CSAD: variants seen among roughly 807,000 people sequenced by gnomAD.
CSAD encodes P-selectin cytoplasmic tail-associated protein.
A neutral mutation model predicts 61.5 loss-of-function variants in CSAD; 47 were observed. The observed-to-expected ratio is 0.76, with a 90% confidence interval of 0.60 to 0.97. The LOEUF (loss-of-function observed/expected upper bound fraction) is 0.97. Ranked by LOEUF, CSAD falls within the 50% of genes least tolerant of loss-of-function variation. The pLI, the probability that CSAD is intolerant of heterozygous loss-of-function variation, is 0.00. For missense variants in CSAD, 611 were observed against 643.6 expected (o/e 0.95, Z 0.55); for synonymous variants, 245 against 252.7 (o/e 0.97, Z 0.29).
At chr12:53,181,008 GC>G, upstream of CSAD, 1 of 850,816 alleles carries the variant, frequency 1.2e-6, no homozygotes, top group Non-Finnish European at 1.5e-6. Flanking sequence ...CGCGCACACC[GC>G]CCCCTGCCCG....
chr12:53,173,809 T>C, intron 2 of CSAD, 39 bp from the exon 3 acceptor site: 1 of 1,606,352 alleles, frequency 6.2e-7, no homozygotes, highest in South Asian at 1.1e-5. Context: ...GGAAGTGGGG[T>C]GAAAAGTGTA....
intron 16 of CSAD, among the ~76,000 whole-genome samples, 179 bp from the exon 17 acceptor site, chr12:53,158,863 C>T (rs999950977): frequency 2.0e-5 from 3 of 152,162 alleles, no homozygotes; most frequent in African/African-American, 7.2e-5. Context: ...TCATATCTAA[C>T]CTGCTTGGCC....
Position 53,173,480 on chromosome 12 carries a change from T to C in CSAD, c.-6-4A>G. 1 of 1,614,168 alleles carries C rather than the reference T, an allele frequency of 6.2e-7. No homozygotes were observed. On this transcript the variant is annotated splice_region_variant and splice_polypyrimidine_tract_variant and intron_variant, in intron 3 of 16. Coordinates refer to ENST00000444623, the MANE Select transcript of CSAD (RefSeq NM_001244705.2). ...CTTCTGAGTCAGCCATCAGGATCTG[T>C]GGCAGAGCAGAGTCATTCCCTACTC...
chr12:53,159,587 C>T (rs983324447), intron 16 of CSAD, 36 bp downstream of exon 16: 4 of 1,571,520 alleles, frequency 2.5e-6, no homozygotes, highest in Non-Finnish European at 3.5e-6. Flanking sequence ...TGCATCAGCT[C>T]CCTAACGGGT....
intron 10 of CSAD, chr12:53,164,671 G>A (rs1939682910): frequency 1.3e-5 from 2 of 152,128 alleles, no homozygotes; most frequent in Middle Eastern, 3.2e-3. Context: ...CCAAACCTCA[G>A]AATCACAAAA....
chr12:53,179,684 T>C (rs1941406890), intron 1 of CSAD: 1 of 1,140,908 alleles, frequency 8.8e-7, no homozygotes, highest in Non-Finnish European at 1.3e-6. Flanking sequence ...AAAAAAAAAG[T>C]TGAGAATCCT....
rs1179961935 is a variant in CSAD, at chr12:53,158,326, G to A, written c.*185C>T. 6 of 493,156 alleles carry A rather than the reference G, an allele frequency of 1.2e-5. No homozygotes were observed. Among genetic ancestry groups the A allele is most frequent in the Non-Finnish European group, 2.2e-5 (6 of 278,302 alleles). 30.5% of individuals were successfully genotyped at this position (493,156 alleles called of 1,614,324 possible). A position where few individuals can be genotyped will look rare whatever the true frequency, so the allele number is the denominator to read the frequency against. ...AATTTTTGTATTTTTAGTAGAGACA[G>A]GGTTTCACCTTATTGGCCAGGCTGG... On this transcript the variant is annotated 3_prime_UTR_variant, in exon 17 of 17. Coordinates refer to ENST00000444623, the MANE Select transcript of CSAD (RefSeq NM_001244705.2).
intron 10 of CSAD, among the ~76,000 whole-genome samples, chr12:53,168,029 G>A (rs1940125378): frequency 6.6e-6 from 1 of 152,174 alleles, no homozygotes; most frequent in East Asian, 1.9e-4. Flanking sequence ...CCATTTAAGG[G>A]AATATTATTT....
chr12:53,177,175 G>A (rs1055858129), intron 2 of CSAD, among the ~76,000 whole-genome samples: 7 of 152,100 alleles, frequency 4.6e-5, no homozygotes, highest in African/African-American at 1.7e-4. Context: ...TTGATACATT[G>A]TCAATCGTTT....
rs371634110 is a variant in CSAD, at chr12:53,162,286, T to C, written c.703-897A>G. On this transcript the variant is annotated intron_variant, in intron 10 of 16. Transcript: ENST00000444623. ...AGATTCTGTCTCAAAAATAAATAAA[T>C]AGGCTGGGTACGGTGGCTCACACCT... Among the ~76,000 whole-genome samples the C allele has an allele frequency of 1.0e-3, 157 of 151,384 alleles. 5 individuals carry two copies. In the South Asian group the frequency reaches 0.031, roughly 30 times the overall value.
At chr12:53,178,306 C>G in intron 2 of CSAD, 1 of 452,246 alleles carries the variant, frequency 2.2e-6, no homozygotes, top group Non-Finnish European at 4.4e-6. Context: ...AACCCTGTCT[C>G]TACAAAAAAC....
chr12:53,172,494 T>C (rs766673412), intron 5 of CSAD, 28 bp downstream of exon 5: 11 of 1,613,908 alleles, frequency 6.8e-6, no homozygotes, highest in African/African-American at 1.3e-5. Flanking sequence ...AACTCCCAAG[T>C]CTCCTCCTCA....
At chr12:53,172,231 G>A in intron 6 of CSAD, 115 bp downstream of exon 6, 1 of 1,023,286 alleles carries the variant, frequency 9.8e-7, no homozygotes, top group Non-Finnish European at 1.5e-6. Flanking sequence ...TGCCGACAGG[G>A]ATTCCCAGAA....
intron 10 of CSAD, chr12:53,164,739 A>C (rs1350592092): frequency 1.3e-5 from 2 of 152,246 alleles, no homozygotes; most frequent in East Asian, 3.8e-4. Flanking sequence ...AAAGTTTCAA[A>C]AAAGTGAAAA....
chr12:53,175,618 G>A (rs1475636497), intron 2 of CSAD, among the ~76,000 whole-genome samples: 1 of 152,256 alleles, frequency 6.6e-6, no homozygotes, highest in East Asian at 1.9e-4. Context: ...CCCCTCAAAT[G>A]TTAGTTTCCA....
At position 53,158,542 on chromosome 12, in the gene CSAD, T is replaced by C. The variant is rs781257812; in HGVS notation, c.1451A>G (p.Asn484Ser). The C allele has an allele frequency of 1.9e-6, 3 of 1,613,336 alleles. No individual in the cohort carries two copies. The highest frequency in any genetic ancestry group is 2.5e-6 in the Non-Finnish European group (3 of 1,179,968). ...GTCCTGGCCTAGCCGCTCCAGCTCG[T>C]TGAGGAGGAAGTCCATATCAGCACA... ...LTCADMDFLLNELERLGQDL is the reference protein window; with the variant it reads ...LTCADMDFLLSELERLGQDL Residue 484 changes from asparagine to serine, a missense_variant, in exon 17 of 17, where the codon AAC (asparagine) becomes AGC (serine). Transcript: ENST00000444623.
chr12:53,179,389 G>C (rs1486317342), intron 1 of CSAD, among the ~76,000 whole-genome samples: 2 of 152,134 alleles, frequency 1.3e-5, no homozygotes, highest in African/African-American at 2.4e-5. Flanking sequence ...AAGCCTAAAA[G>C]CATATATACC....
chr12:53,167,057 T>C (rs1004158210), intron 10 of CSAD, among the ~76,000 whole-genome samples: 2 of 152,224 alleles, frequency 1.3e-5, no homozygotes, highest in African/African-American at 4.8e-5. Flanking sequence ...AGGATCCCTC[T>C]TTCCCTCTCA....
chr12:53,162,352 G>A (rs889595058), intron 10 of CSAD, among the ~76,000 whole-genome samples: 4 of 148,562 alleles, frequency 2.7e-5, no homozygotes, highest in South Asian at 2.2e-4. Context: ...GGTGGATCAC[G>A]AGATCAGGAG....
Sources: gnomAD v4.1 joint callset for allele counts (sites outside exome capture counted in the v4.1 genomes callset) on GRCh38, gnomAD v4.1.1 for gene constraint, MANE v1.5 for transcripts, NCBI Gene and HGNC (gene_info 2026-07-23, HGNC 2026-07-21) for gene names.